KLRG1: variants seen among roughly 807,000 people sequenced by gnomAD.
The protein encoded by KLRG1 is killer cell lectin-like receptor subfamily G member 1.
In KLRG1, 16 loss-of-function variants were observed where a neutral mutation model predicts 21.8. The ratio of observed to expected loss-of-function variants is 0.73; its 90% CI spans 0.50 to 1.11. The LOEUF (loss-of-function observed/expected upper bound fraction) is 1.11. KLRG1 is among the 50% of genes most tolerant of loss of function. The pLI is 0.00. For missense variants in KLRG1, 173 were observed against 218.3 expected (o/e 0.79, Z 1.31); for synonymous variants, 69 against 75.9 (o/e 0.91, Z 0.47).
the KLRG1 span, among the ~76,000 whole-genome samples, chr12:9,145,016 G>T: frequency 6.6e-6 from 1 of 152,198 alleles, no homozygotes. Context: ...ATTACCATTT[G>T]CATGGGATAT....
the KLRG1 span, chr12:9,067,761 C>T: frequency 4.6e-6 from 7 of 1,516,608 alleles, no homozygotes; most frequent in Admixed American, 1.7e-5. Flanking sequence ...TACAAAAACA[C>T]GTGTCTTCTG....
the KLRG1 span, among the ~76,000 whole-genome samples, chr12:9,076,555 C>T: frequency 6.6e-6 from 1 of 152,216 alleles, no homozygotes; most frequent in Non-Finnish European, 1.5e-5. Flanking sequence ...TGAGAAGCAT[C>T]TGCACGGCCT....
At chr12:9,213,560 A>G in the KLRG1 span, among the ~76,000 whole-genome samples, 2 of 152,018 alleles carry the variant, frequency 1.3e-5, no homozygotes, top group Non-Finnish European at 2.9e-5. Flanking sequence ...TATGGTTTTA[A>G]TTTGTATTTT....
the KLRG1 span, chr12:9,095,712 C>A: frequency 9.3e-6 from 12 of 1,289,722 alleles, no homozygotes; most frequent in African/African-American, 4.8e-5. Context: ...TGTACAAATA[C>A]GAAAGACAAA....
the KLRG1 span, among the ~76,000 whole-genome samples, chr12:9,118,814 A>G: frequency 1.4e-4 from 22 of 152,334 alleles, no homozygotes; most frequent in Admixed American, 3.9e-4. Flanking sequence ...CACTAGCTTG[A>G]TGAGATCTGC....
At chr12:9,208,100 A>G in the KLRG1 span, among the ~76,000 whole-genome samples, 3 of 152,202 alleles carry the variant, frequency 2.0e-5, no homozygotes, top group Non-Finnish European at 4.4e-5. Context: ...AGAATAGAGG[A>G]TAAATGAAAG....
chr12:9,201,183 A>C, the KLRG1 span: 1 of 1,390,086 alleles, frequency 7.2e-7, no homozygotes, highest in Non-Finnish European at 9.9e-7. Context: ...AAGGAAGAGA[A>C]AATACAATCA....
At chr12:8,992,127 G>A (rs1592264318) in intron 1 of KLRG1, 79 bp from the exon 2 acceptor site, 1 of 1,218,986 alleles carries the variant, frequency 8.2e-7, no homozygotes, top group South Asian at 1.4e-5. Context: ...GCTTTAAGAT[G>A]CGATATCCTT....
chr12:9,113,248 A>T, the KLRG1 span: 30 of 1,016,032 alleles, frequency 3.0e-5, no homozygotes, highest in Non-Finnish European at 4.0e-5. Context: ...CTACATTTGG[A>T]TTCCTTCCTG....
chr12:9,005,165 G>A (rs1947431634), intron 3 of KLRG1, among the ~76,000 whole-genome samples: 1 of 151,794 alleles, frequency 6.6e-6, no homozygotes, highest in Non-Finnish European at 1.5e-5. Context: ...GAGAACACAT[G>A]GACACAGGGA....
chr12:9,179,775 C>T, the KLRG1 span, among the ~76,000 whole-genome samples: 2 of 152,150 alleles, frequency 1.3e-5, no homozygotes, highest in Non-Finnish European at 2.9e-5. Flanking sequence ...ATGACTATCA[C>T]GTAGGTGGGG....
At chr12:9,202,188 G>C in the KLRG1 span, 91 of 794,780 alleles carry the variant, frequency 1.1e-4, 1 homozygote, top group South Asian at 1.6e-3. Context: ...CTGCAAATCT[G>C]TGCTGAGGCT....
the KLRG1 span, chr12:9,091,518 A>G: frequency 2.1e-5 from 29 of 1,367,656 alleles, no homozygotes; most frequent in Non-Finnish European, 2.9e-5. Flanking sequence ...TTCTACTGCC[A>G]TGACTTAAAA....
At chr12:9,210,255 G>A in the KLRG1 span, among the ~76,000 whole-genome samples, 2 of 152,244 alleles carry the variant, frequency 1.3e-5, no homozygotes, top group South Asian at 2.1e-4. Flanking sequence ...TCAATCTGAT[G>A]AGTGAAGCAG....
the KLRG1 span, among the ~76,000 whole-genome samples, chr12:9,084,847 G>A: frequency 5.9e-5 from 9 of 152,032 alleles, no homozygotes; most frequent in African/African-American, 2.2e-4. Flanking sequence ...GATGTTCTAG[G>A]TAAATGGGGA....
chr12:9,061,608 G>GT, the KLRG1 span, among the ~76,000 whole-genome samples: 3 of 152,072 alleles, frequency 2.0e-5, no homozygotes, highest in East Asian at 5.8e-4. Flanking sequence ...GAGCCCAGGA[G>GT]TTTGAGACCA....
chr12:9,070,472 GT>G, the KLRG1 span: 1 of 1,582,036 alleles, frequency 6.3e-7, no homozygotes, highest in Non-Finnish European at 8.7e-7. Flanking sequence ...GCAGTCTGGG[GT>G]TATGATAAAC....
the KLRG1 span, chr12:9,079,782 T>C: frequency 6.2e-7 from 1 of 1,612,292 alleles, no homozygotes; most frequent in Non-Finnish European, 8.5e-7. Context: ...GAGAAGATTT[T>C]GTGTGTTTTG....
At chr12:9,082,002 A>T in the KLRG1 span, among the ~76,000 whole-genome samples, 1 of 152,216 alleles carries the variant, frequency 6.6e-6, no homozygotes, top group African/African-American at 2.4e-5. Context: ...GAGTTTCCAG[A>T]TGGCCAGTCT....
Sources: gnomAD v4.1 joint callset for allele counts (sites outside exome capture counted in the v4.1 genomes callset) on GRCh38, gnomAD v4.1.1 for gene constraint, MANE v1.5 for transcripts, NCBI Gene and HGNC (gene_info 2026-07-23, HGNC 2026-07-21) for gene names.